Variants in SLC24A2 observed in about 807,000 individuals in gnomAD.
SLC24A2 encodes solute carrier family 24 member 2, also known as sodium/potassium/calcium exchanger 2.
In SLC24A2, 36 loss-of-function variants were observed where a neutral mutation model predicts 62.0. The observed-to-expected ratio is 0.58, with a 90% CI of 0.44 to 0.77. The LOEUF is 0.77. Among genes scored for constraint, SLC24A2 ranks in the 30% least tolerant of loss-of-function variants. SLC24A2 has a pLI of 0.00. For synonymous variants in SLC24A2, 358 were observed against 294.0 expected, an observed-to-expected ratio of 1.22 and a Z score of -2.23; for missense variants, 846 against 817.9, an observed-to-expected ratio of 1.03 and a Z score of -0.42.
At chr9:19,949,284 G>A in the SLC24A2 span, among the ~76,000 whole-genome samples, 1 of 152,048 alleles carries the variant, frequency 6.6e-6, no homozygotes, top group Admixed American at 6.5e-5. Flanking sequence ...ATGAGCCACT[G>A]CGCCTGGCCC....
chr9:19,775,350 C>T (rs1406828736), intron 2 of SLC24A2, among the ~76,000 whole-genome samples: 1 of 152,238 alleles, frequency 6.6e-6, no homozygotes, highest in Non-Finnish European at 1.5e-5. Context: ...TCACTGGGAA[C>T]CAAGAATGAC....
At chr9:19,887,696 G>C in the SLC24A2 span, among the ~76,000 whole-genome samples, 2 of 152,108 alleles carry the variant, frequency 1.3e-5, no homozygotes, top group African/African-American at 2.4e-5. Flanking sequence ...CAATCCCATT[G>C]CTGGGTATCT....
chr9:19,959,336 T>C, the SLC24A2 span, among the ~76,000 whole-genome samples: 5 of 152,224 alleles, frequency 3.3e-5, no homozygotes, highest in Non-Finnish European at 7.3e-5. Flanking sequence ...AGATGCCAGA[T>C]GGACATGGCT....
the SLC24A2 span, among the ~76,000 whole-genome samples, chr9:20,162,352 CA>C: frequency 2.0e-5 from 3 of 151,530 alleles, no homozygotes; most frequent in Non-Finnish European, 4.4e-5. Flanking sequence ...ATAAATTTAC[CA>C]AAAAAAGTTC....
At chr9:19,803,114 C>A in the SLC24A2 span, among the ~76,000 whole-genome samples, 1 of 152,162 alleles carries the variant, frequency 6.6e-6, no homozygotes, top group Non-Finnish European at 1.5e-5. Context: ...TTATAAGCCA[C>A]CCCATTTATG....
the SLC24A2 span, among the ~76,000 whole-genome samples, chr9:20,201,512 AAG>A: frequency 6.6e-6 from 1 of 152,230 alleles, no homozygotes; most frequent in Non-Finnish European, 1.5e-5. Flanking sequence ...AGGGAAAAGA[AAG>A]AAAGTGAGAG....
the SLC24A2 span, among the ~76,000 whole-genome samples, chr9:19,823,929 C>G: frequency 6.6e-6 from 1 of 152,090 alleles, no homozygotes; most frequent in Non-Finnish European, 1.5e-5. Context: ...GGAAATGATT[C>G]CCTATTTAAT....
At chr9:19,688,583 T>G (rs921228071) in intron 2 of SLC24A2, among the ~76,000 whole-genome samples, 1 of 152,106 alleles carries the variant, frequency 6.6e-6, no homozygotes, top group Non-Finnish European at 1.5e-5. Context: ...GCATTTCAGT[T>G]AAGTTGATTA....
chr9:20,083,916 T>C, the SLC24A2 span, among the ~76,000 whole-genome samples: 3 of 152,234 alleles, frequency 2.0e-5, no homozygotes, highest in Non-Finnish European at 4.4e-5. Flanking sequence ...TCGATGTCGC[T>C]GTTACACTGT....
the SLC24A2 span, among the ~76,000 whole-genome samples, chr9:20,262,278 T>C: frequency 1.3e-5 from 2 of 152,214 alleles, no homozygotes; most frequent in South Asian, 2.1e-4. Flanking sequence ...ATCTTTGTTT[T>C]GGCATGTCCT....
At chr9:20,012,100 G>T in the SLC24A2 span, among the ~76,000 whole-genome samples, 2 of 152,182 alleles carry the variant, frequency 1.3e-5, no homozygotes, top group Non-Finnish European at 1.5e-5. Flanking sequence ...GTGGTGAAAA[G>T]TTGAAAGGTT....
the SLC24A2 span, among the ~76,000 whole-genome samples, chr9:20,276,896 G>A: frequency 1.3e-5 from 2 of 152,188 alleles, no homozygotes; most frequent in Non-Finnish European, 2.9e-5. Context: ...TGGGACACAG[G>A]GCACCAAATC....
the SLC24A2 span, among the ~76,000 whole-genome samples, chr9:20,093,570 T>C: frequency 6.6e-6 from 1 of 152,186 alleles, no homozygotes; most frequent in African/African-American, 2.4e-5. Flanking sequence ...TCTCTCAAAA[T>C]TTCTATTGCT....
intron 7 of SLC24A2, among the ~76,000 whole-genome samples, chr9:19,556,636 T>C (rs1246585311): frequency 1.3e-5 from 2 of 152,086 alleles, no homozygotes; most frequent in Non-Finnish European, 2.9e-5. Flanking sequence ...CTTACATCTC[T>C]CCCCCGGCTC....
chr9:19,519,917 T>C (rs16937587), intron 10 of SLC24A2, among the ~76,000 whole-genome samples: 2,432 of 152,334 alleles, frequency 0.016, 69 homozygotes, highest in African/African-American at 0.056. Flanking sequence ...GACTCTTTGT[T>C]CAAATCCTAC....
rs560783890 is a variant in SLC24A2, at chr9:19,702,904, C to G, written c.931-80605G>C. 7.9e-5 allele frequency among the ~76,000 whole-genome samples: 12 copies of G among 152,174 alleles called. No homozygotes were observed. In the East Asian group the frequency reaches 2.1e-3, roughly 27 times the overall value. Reference sequence around the variant, plus strand: ...ATAAAGTATACATATAGCAAAACATCATGTTGTGCACCATAAATATATACA... The same window carrying G: ...ATAAAGTATACATATAGCAAAACATGATGTTGTGCACCATAAATATATACA... On this transcript the variant is annotated intron_variant, in intron 2 of 10. Transcript: ENST00000341998.
the SLC24A2 span, among the ~76,000 whole-genome samples, chr9:19,896,644 G>A: frequency 6.6e-6 from 1 of 152,134 alleles, no homozygotes. Flanking sequence ...AACCACAAAG[G>A]TACTACATGG....
the SLC24A2 span, among the ~76,000 whole-genome samples, chr9:19,965,825 C>G: frequency 6.6e-6 from 1 of 152,124 alleles, no homozygotes; most frequent in African/African-American, 2.4e-5. Flanking sequence ...GAAGGAATGG[C>G]CTTACTTGGG....
Position 19,619,658 on chromosome 9 carries a change from G to A in SLC24A2, c.1004C>T (p.Ala335Val). Residue 335 changes from alanine (A) to valine (V), a missense_variant, in exon 4 of 11, where the codon GCC (alanine) becomes GTC (valine). Coordinates refer to ENST00000341998, the MANE Select transcript of SLC24A2 (RefSeq NM_020344.4). ...KPRLQRGGSS[A>V]SLHNSLMRNS... Reference sequence around the variant, plus strand: ...CCTCATGAGACTGTTGTGGAGGGAGGCAGAGCTTCCACCTCGCTGGAGACG... The same window carrying A: ...CCTCATGAGACTGTTGTGGAGGGAGACAGAGCTTCCACCTCGCTGGAGACG... 1 of 1,613,980 alleles carries A rather than the reference G, an allele frequency of 6.2e-7. No homozygotes were observed. Among genetic ancestry groups the A allele is most frequent in the East Asian group, 2.2e-5 (1 of 44,882 alleles).
Sources: allele counts gnomAD v4.1 joint callset (sites outside exome capture counted in the v4.1 genomes callset), GRCh38; gene constraint gnomAD v4.1.1; transcripts MANE v1.5; gene names NCBI Gene and HGNC (gene_info 2026-07-23, HGNC 2026-07-21).